Variants in PAN3 observed in about 807,000 individuals in gnomAD.
PAN3 encodes poly(A) specific ribonuclease subunit PAN3.
Under a neutral mutation model 96.2 loss-of-function variants are expected in PAN3, and 19 were observed. The ratio of observed to expected loss-of-function variants is 0.20; its 90% confidence interval spans 0.14 to 0.29. The LOEUF is 0.29. Among genes scored for constraint, PAN3 ranks in the 10% least tolerant of loss-of-function variants. The pLI is 1.00. For missense variants in PAN3, 882 were observed against 1,108.1 expected, an observed-to-expected ratio of 0.80 and a Z score of 2.90; for synonymous variants, 433 against 406.6, an observed-to-expected ratio of 1.06 and a Z score of -0.78.
intron 6 of PAN3, among the ~76,000 whole-genome samples, chr13:28,248,993 A>T (rs937372152): frequency 6.6e-6 from 1 of 152,148 alleles, no homozygotes; most frequent in East Asian, 1.9e-4. Flanking sequence ...TATTAAATAT[A>T]TGATTTGCAA....
chr13:28,183,019 T>C (rs1875998633), intron 4 of PAN3, among the ~76,000 whole-genome samples: 1 of 152,186 alleles, frequency 6.6e-6, no homozygotes, highest in Admixed American at 6.5e-5. Flanking sequence ...ATATTTACGG[T>C]AGAGTTCTTC....
At chr13:28,241,501 T>C (rs772672722) in intron 6 of PAN3, among the ~76,000 whole-genome samples, 6 of 152,214 alleles carry the variant, frequency 3.9e-5, no homozygotes, top group Non-Finnish European at 7.3e-5. Context: ...GGAATAAAGC[T>C]TGTCTCTGAA....
intron 5 of PAN3, among the ~76,000 whole-genome samples, chr13:28,199,573 T>C (rs989488948): frequency 2.0e-5 from 3 of 152,140 alleles, no homozygotes; most frequent in African/African-American, 7.2e-5. Flanking sequence ...CATGTTGAAG[T>C]ACTGAAAAAT....
intron 18 of PAN3, among the ~76,000 whole-genome samples, chr13:28,291,587 T>G (rs540037073): frequency 3.9e-5 from 6 of 152,342 alleles, no homozygotes; most frequent in African/African-American, 1.2e-4. Context: ...CCCAGTACTT[T>G]GGGAGGCCGA....
At chr13:28,210,754 CA>C (rs940476830) in intron 5 of PAN3, among the ~76,000 whole-genome samples, 2 of 151,366 alleles carry the variant, frequency 1.3e-5, no homozygotes, top group Non-Finnish European at 1.5e-5. Flanking sequence ...ATAACAACAA[CA>C]AAAAAAACCT....
At chr13:28,222,279 C>T (rs1187228818) in intron 6 of PAN3, among the ~76,000 whole-genome samples, 1 of 152,060 alleles carries the variant, frequency 6.6e-6, no homozygotes, top group Non-Finnish European at 1.5e-5. Flanking sequence ...TTGGACCTCA[C>T]AATAGAAACT....
chr13:28,141,955 GA>G (rs1869913715), intron 1 of PAN3, among the ~76,000 whole-genome samples: 1 of 152,224 alleles, frequency 6.6e-6, no homozygotes, highest in Non-Finnish European at 1.5e-5. Context: ...AGTTAATGCT[GA>G]AAAGGTATTT....
intron 6 of PAN3, among the ~76,000 whole-genome samples, chr13:28,222,289 T>C (rs1207058072): frequency 6.6e-6 from 1 of 152,120 alleles, no homozygotes; most frequent in Non-Finnish European, 1.5e-5. Context: ...CAATAGAAAC[T>C]TAGGGTGAAA....
chr13:28,140,664 G>A (rs1269000643), intron 1 of PAN3, among the ~76,000 whole-genome samples: 1 of 151,878 alleles, frequency 6.6e-6, no homozygotes, highest in Non-Finnish European at 1.5e-5. Context: ...TTACAGGAGT[G>A]AGGCACCATG....
At chr13:28,258,759 G>A (rs1036298784) in intron 7 of PAN3, among the ~76,000 whole-genome samples, 4 of 152,170 alleles carry the variant, frequency 2.6e-5, no homozygotes, top group Non-Finnish European at 5.9e-5. Flanking sequence ...ATTGATTCCC[G>A]GACGCCCACA....
rs1405498768 is a variant in PAN3, at chr13:28,177,904, T to C, written c.659T>C (p.Phe220Ser). 1.2e-6 allele frequency: 2 copies of C among 1,612,896 alleles called. No individual in the cohort carries two copies. Among genetic ancestry groups the C allele is most frequent in the Non-Finnish European group, 1.7e-6 (2 of 1,179,236 alleles). Residue 220 changes from phenylalanine (F) to serine (S), a missense_variant, in exon 4 of 19, where the codon TTT becomes TCT. Phe to Ser is a radical substitution (Grantham distance 155, BLOSUM62 -2). Transcript: ENST00000380958. The stretch of plus-strand genomic sequence containing the variant: ...CCTGCTTCATCCTTGTTTAATGACT[T>C]TGGTGCCCTCAACATCTCTCAGAGA... ...TSPASSLFND[F>S]GALNISQRRK... is the part of the protein sequence containing the mutation.
At chr13:28,239,153 A>AC (rs1174244987) in intron 6 of PAN3, among the ~76,000 whole-genome samples, 3 of 16,484 alleles carry the variant, frequency 1.8e-4, no homozygotes, top group Non-Finnish European at 3.3e-4. Flanking sequence ...CCCACCCCCC[A>AC]CCCCCGCCAA....
At chr13:28,157,531 G>A (rs879745108) in intron 1 of PAN3, among the ~76,000 whole-genome samples, 1 of 152,124 alleles carries the variant, frequency 6.6e-6, no homozygotes, top group Non-Finnish European at 1.5e-5. Flanking sequence ...CAAAATTGAT[G>A]TACAAAAATC....
intron 9 of PAN3, among the ~76,000 whole-genome samples, chr13:28,263,501 T>C (rs371576854): frequency 1.3e-5 from 2 of 152,130 alleles, no homozygotes; most frequent in African/African-American, 4.8e-5. Context: ...CTTGGCTAAT[T>C]TTTGTATATT....
chr13:28,228,059 C>T (rs1445595136), intron 6 of PAN3, among the ~76,000 whole-genome samples: 1 of 152,138 alleles, frequency 6.6e-6, no homozygotes, highest in African/African-American at 2.4e-5. Context: ...GTTGAGAGCA[C>T]CAGGGATCAT....
intron 1 of PAN3, among the ~76,000 whole-genome samples, chr13:28,146,031 G>A (rs2137936749): frequency 6.6e-6 from 1 of 152,206 alleles, no homozygotes; most frequent in Non-Finnish European, 1.5e-5. Flanking sequence ...AAAGTGCTGG[G>A]ATTGCAGGTG....
At position 28,285,745 on chromosome 13, in the gene PAN3, A is replaced by T. The variant is rs1593638867; in HGVS notation, c.2385-2239A>T. 2.0e-5 allele frequency among the ~76,000 whole-genome samples: 3 copies of T among 152,070 alleles called. 1 individual carries two copies. The highest frequency in any genetic ancestry group is 2.0e-4 in the Admixed American group (3 of 15,276). The stretch of plus-strand genomic sequence containing the variant: ...CTCAACTGCATTTTTCTAAAATTAA[A>T]GTTTTTTTTCTAATTCTTTGAATTT... On this transcript the variant is annotated intron_variant, in intron 17 of 18. Transcript: ENST00000380958.
chr13:28,230,942 T>G (rs1330839667), intron 6 of PAN3, among the ~76,000 whole-genome samples: 2 of 152,210 alleles, frequency 1.3e-5, no homozygotes, highest in Non-Finnish European at 2.9e-5. Context: ...TCCCTCTGTT[T>G]TGATGCTTCG....
At chr13:28,189,868 A>T (rs1207669776) in intron 4 of PAN3, among the ~76,000 whole-genome samples, 5 of 152,222 alleles carry the variant, frequency 3.3e-5, no homozygotes, top group Non-Finnish European at 7.3e-5. Context: ...TTGTTTGAGA[A>T]GTGCTACTCT....
Sources: gnomAD v4.1 joint callset for allele counts (sites outside exome capture counted in the v4.1 genomes callset) on GRCh38, gnomAD v4.1.1 for gene constraint, MANE v1.5 for transcripts, NCBI Gene and HGNC (gene_info 2026-07-23, HGNC 2026-07-21) for gene names.